THSD7A: variants seen among roughly 807,000 people sequenced by gnomAD.
THSD7A encodes the protein thrombospondin type-1 domain-containing protein 7A.
THSD7A carries 96 observed loss-of-function variants against 231.3 expected under a neutral mutation model. The observed-to-expected ratio is 0.41, with a 90% CI of 0.35 to 0.49. THSD7A has a LOEUF of 0.49. Among genes scored for constraint, THSD7A ranks in the 20% least tolerant of loss-of-function variants. THSD7A has a pLI of 0.05. For synonymous variants in THSD7A, 940 were observed against 743.3 expected (o/e 1.26, Z -4.30); for missense variants, 2,290 against 2,070.2 (o/e 1.11, Z -2.06).
At chr7:11,440,944 A>C (rs933743540) in intron 13 of THSD7A, among the ~76,000 whole-genome samples, 2 of 152,066 alleles carry the variant, frequency 1.3e-5, no homozygotes, top group Admixed American at 1.3e-4. Context: ...TGCAACAGAG[A>C]ACTCTTTAGT....
intron 2 of THSD7A, among the ~76,000 whole-genome samples, chr7:11,618,022 T>C (rs1433395059): frequency 6.6e-6 from 1 of 152,206 alleles, no homozygotes; most frequent in African/African-American, 2.4e-5. Flanking sequence ...TTACCACCTT[T>C]TGTGAAAGCA....
In THSD7A at chr7:11,636,945, A is replaced by G; in HGVS notation, c.207T>C (p.Cys69=). Residue 69 remains cysteine, a synonymous_variant, in exon 2 of 28, where the codon TGT becomes TGC. Coordinates refer to ENST00000423059, the MANE Select transcript of THSD7A (RefSeq NM_015204.3). The surrounding 1 kb of genome is among the most constrained non-coding windows in gnomAD (Gnocchi z 10.0). ...CTCCGGGACCACATTCATCTCCCATACATCGGCCCCATGGACCTACAAAAA... is the reference window on the plus strand; with the variant it reads ...CTCCGGGACCACATTCATCTCCCATGCATCGGCCCCATGGACCTACAAAAA... ...YLWKTGPWGR[C]MGDECGPGGI... 1.2e-6 allele frequency: 2 copies of G among 1,607,658 alleles called. No homozygotes were observed. Among genetic ancestry groups the G allele is most frequent in the Non-Finnish European group, 1.7e-6 (2 of 1,177,186 alleles).
At chr7:11,530,285 G>A (rs1188488128) in intron 6 of THSD7A, among the ~76,000 whole-genome samples, 2 of 152,132 alleles carry the variant, frequency 1.3e-5, no homozygotes, top group African/African-American at 4.8e-5. Context: ...AATAGGGTGT[G>A]CAATTTGGTG....
chr7:11,746,571 T>G (rs1782314726), intron 1 of THSD7A, among the ~76,000 whole-genome samples: 2 of 151,890 alleles, frequency 1.3e-5, no homozygotes, highest in African/African-American at 4.8e-5. Flanking sequence ...TGGGTTTGTC[T>G]AATGTTTTCT....
chr7:11,735,084 T>C (rs970935446), intron 1 of THSD7A, among the ~76,000 whole-genome samples: 1 of 151,946 alleles, frequency 6.6e-6, no homozygotes, highest in Non-Finnish European at 1.5e-5. Context: ...TTCTAACTTC[T>C]AGTTGATTAT....
chr7:11,461,064 C>T (rs1370425197), intron 10 of THSD7A, among the ~76,000 whole-genome samples: 1 of 152,018 alleles, frequency 6.6e-6, no homozygotes, highest in African/African-American at 2.4e-5. Context: ...ACCAGATGGC[C>T]CCAGAAGTGA....
chr7:11,621,055 C>T (rs1781291227), intron 2 of THSD7A, among the ~76,000 whole-genome samples: 2 of 152,158 alleles, frequency 1.3e-5, no homozygotes, highest in South Asian at 4.1e-4. Context: ...ACCAAGAAAC[C>T]TCACAACTCA....
Position 11,466,352 on chromosome 7 carries a change from A to T in THSD7A, c.2368+3527T>A, listed in dbSNP as rs142754683. On this transcript the variant is annotated intron_variant, in intron 9 of 27. Coordinates refer to ENST00000423059, the MANE Select transcript of THSD7A (RefSeq NM_015204.3). The stretch of plus-strand genomic sequence containing the variant: ...ACTTGGGTTATTTCCATTTCTTATG[A>T]AATAATGAAAAAAACTAACCTCATG... Among the ~76,000 whole-genome samples the T allele has an allele frequency of 5.9e-3, 903 of 152,260 alleles. 4 individuals are homozygous for T. Among genetic ancestry groups the T allele is most frequent in the African/African-American group, 0.021 (871 of 41,570 alleles).
intron 13 of THSD7A, among the ~76,000 whole-genome samples, chr7:11,436,665 A>T (rs1018079353): frequency 5.9e-5 from 9 of 151,662 alleles, no homozygotes; most frequent in African/African-American, 1.9e-4. Context: ...GGAATTTAAG[A>T]TTTTTTAAAG....
At chr7:11,633,981 T>C (rs914438294) in intron 2 of THSD7A, among the ~76,000 whole-genome samples, 1 of 152,220 alleles carries the variant, frequency 6.6e-6, no homozygotes, top group African/African-American at 2.4e-5. Context: ...TTTGTGGCCC[T>C]GTGCTTTGGT....
At chr7:11,612,478 G>C (rs1180360840) in intron 2 of THSD7A, among the ~76,000 whole-genome samples, 1 of 152,162 alleles carries the variant, frequency 6.6e-6, no homozygotes, top group Non-Finnish European at 1.5e-5. Flanking sequence ...GTCAAAATCT[G>C]TCACACATGT....
At chr7:11,762,916 G>A (rs1441153590) in intron 1 of THSD7A, among the ~76,000 whole-genome samples, 7 of 151,808 alleles carry the variant, frequency 4.6e-5, no homozygotes, top group Non-Finnish European at 8.8e-5. Context: ...TTACTTTCAC[G>A]TTACCTATGT....
At chr7:11,546,127 C>A (rs1789371148) in intron 4 of THSD7A, among the ~76,000 whole-genome samples, 1 of 151,870 alleles carries the variant, frequency 6.6e-6, no homozygotes, top group Non-Finnish European at 1.5e-5. Context: ...CATGCTCCTG[C>A]CTGCAGCCTT....
intron 13 of THSD7A, among the ~76,000 whole-genome samples, chr7:11,433,517 C>T (rs919131236): frequency 6.6e-6 from 1 of 151,864 alleles, no homozygotes; most frequent in Admixed American, 6.6e-5. Flanking sequence ...AAGAACCATC[C>T]AAATCATTTC....
chr7:11,504,815 G>C (rs992219365), intron 6 of THSD7A, among the ~76,000 whole-genome samples: 82 of 149,906 alleles, frequency 5.5e-4, no homozygotes, highest in African/African-American at 1.9e-3. Flanking sequence ...GGTTTAAAAA[G>C]AAAGGACAAC....
At chr7:11,486,270 T>C (rs1051794403) in intron 6 of THSD7A, among the ~76,000 whole-genome samples, 1 of 152,214 alleles carries the variant, frequency 6.6e-6, no homozygotes, top group Admixed American at 6.5e-5. Context: ...ACACTTTATT[T>C]TGATTGGATA....
Position 11,389,009 on chromosome 7 carries a change from T to C in THSD7A, c.4412-6393A>G, listed in dbSNP as rs571718055. On this transcript the variant is annotated intron_variant, in intron 23 of 27. Transcript: ENST00000423059. ...CTGTTCTTTTGCATTTGCTGAGGAG[T>C]GTTTTACTTCCAATTATGTGGTCAC... Among the ~76,000 whole-genome samples, 12 of 152,172 alleles carry C rather than the reference T, an allele frequency of 7.9e-5. No homozygotes were observed. The South Asian group carries it at 2.3e-3, about 29-fold the overall frequency.
chr7:11,506,582 A>T (rs1232585320), intron 6 of THSD7A, among the ~76,000 whole-genome samples: 1 of 152,108 alleles, frequency 6.6e-6, no homozygotes, highest in Non-Finnish European at 1.5e-5. Context: ...ATTAACATGG[A>T]ATTATTTCCC....
chr7:11,685,350 G>C (rs556179128), intron 1 of THSD7A, among the ~76,000 whole-genome samples: 21 of 151,924 alleles, frequency 1.4e-4, no homozygotes, highest in Non-Finnish European at 2.4e-4. Flanking sequence ...AAAAGGAAAT[G>C]CAGCAAAAAC....
Sources: gnomAD v4.1 joint callset for allele counts (sites outside exome capture counted in the v4.1 genomes callset) on GRCh38, gnomAD v4.1.1 for gene constraint, Gnocchi (gnomAD v3.1) non-coding constraint, MANE v1.5 for transcripts, NCBI Gene and HGNC (gene_info 2026-07-23, HGNC 2026-07-21) for gene names.